ANKRD45: variants seen among roughly 807,000 people sequenced by gnomAD.
ANKRD45 encodes ankyrin repeat domain 45.
ANKRD45 carries 21 observed loss-of-function variants against 28.1 expected under a neutral mutation model. The observed-to-expected ratio is 0.75, with a 90% CI of 0.53 to 1.08. The LOEUF (loss-of-function observed/expected upper bound fraction) is 1.08, where lower values mean the gene tolerates loss of function less well. ANKRD45 is among the 50% of genes least tolerant of loss of function. The pLI, the probability that ANKRD45 is intolerant of heterozygous loss-of-function variation, is 0.00. For synonymous variants in ANKRD45, 86 were observed against 103.9 expected (o/e 0.83, Z 1.05); for missense variants, 261 against 308.7 (o/e 0.85, Z 1.16).
At chr1:173,643,738 T>C (rs1668803459) in intron 3 of ANKRD45, among the ~76,000 whole-genome samples, 1 of 152,046 alleles carries the variant, frequency 6.6e-6, no homozygotes, top group Non-Finnish European at 1.5e-5. Flanking sequence ...ACTTAAAGTA[T>C]CTTGAAAAAT....
the ANKRD45 span, among the ~76,000 whole-genome samples, chr1:173,707,110 T>C: frequency 2.0e-5 from 3 of 152,158 alleles, no homozygotes; most frequent in African/African-American, 4.8e-5. Flanking sequence ...TGGCTGTTCA[T>C]ATATTTTGCC....
the ANKRD45 span, among the ~76,000 whole-genome samples, chr1:173,695,883 C>T: frequency 3.9e-5 from 6 of 152,154 alleles, no homozygotes; most frequent in Admixed American, 2.6e-4. Context: ...AATTCCCACC[C>T]AGTAAATTTT....
the ANKRD45 span, among the ~76,000 whole-genome samples, chr1:173,714,444 C>T: frequency 3.9e-5 from 6 of 152,064 alleles, no homozygotes; most frequent in African/African-American, 1.4e-4. Context: ...ACTAACACAG[C>T]CTTAGAGCCT....
At chr1:173,705,077 T>C in the ANKRD45 span, among the ~76,000 whole-genome samples, 1 of 152,084 alleles carries the variant, frequency 6.6e-6, no homozygotes, top group Admixed American at 6.5e-5. Context: ...GGCCACTCTT[T>C]TTCAGTCAAA....
chr1:173,691,410 GT>G, the ANKRD45 span, among the ~76,000 whole-genome samples: 18 of 152,272 alleles, frequency 1.2e-4, no homozygotes, highest in African/African-American at 4.3e-4. Flanking sequence ...CCCCCAAATT[GT>G]TACATATAAA....
the ANKRD45 span, among the ~76,000 whole-genome samples, chr1:173,685,427 A>G: frequency 2.0e-5 from 3 of 152,204 alleles, no homozygotes; most frequent in Non-Finnish European, 4.4e-5. Context: ...GAATCCTGGA[A>G]AAGAGCTACC....
chr1:173,662,269 T>C (rs549774133), intron 1 of ANKRD45, among the ~76,000 whole-genome samples: 2 of 152,334 alleles, frequency 1.3e-5, no homozygotes, highest in East Asian at 3.9e-4. Flanking sequence ...AATTGTCATT[T>C]ACTGCTATGG....
chr1:173,631,746 A>G (rs553478108), intron 3 of ANKRD45, among the ~76,000 whole-genome samples: 1 of 152,306 alleles, frequency 6.6e-6, no homozygotes, highest in African/African-American at 2.4e-5. Flanking sequence ...CAGTGTGTCA[A>G]TGAAGAAATT....
intron 3 of ANKRD45, among the ~76,000 whole-genome samples, chr1:173,636,415 C>A (rs1668443821): frequency 6.6e-6 from 1 of 152,132 alleles, no homozygotes; most frequent in African/African-American, 2.4e-5. Flanking sequence ...GATCAAAAAA[C>A]AAACAAAACC....
rs1404652953 is a variant in ANKRD45 at position 173,637,109 on chromosome 1, A to G, written c.496+9737T>C. 3 of 1,137,422 alleles carry G rather than the reference A, an allele frequency of 2.6e-6. No individual in the cohort carries two copies. The African/African-American group carries it at 4.8e-5, about 18-fold the overall frequency. The allele number at this position is 1,137,422 out of a possible 1,614,324, so 70.5% of individuals were successfully genotyped here. ...AGAAATCTATCATCTAAGGATTAAA[A>G]ATTGTTCTTTGGAAACCTTTATAAA... On this transcript the variant is annotated intron_variant, in intron 3 of 5. Coordinates refer to ENST00000333279, the MANE Select transcript of ANKRD45 (RefSeq NM_198493.3).
intron 2 of ANKRD45, among the ~76,000 whole-genome samples, chr1:173,656,824 G>C (rs1669539317): frequency 6.6e-6 from 1 of 151,856 alleles, no homozygotes; most frequent in African/African-American, 2.4e-5. Context: ...CCAATGTTGG[G>C]TAAGTTCGCT....
At chr1:173,657,058 G>T (rs78787272) in intron 2 of ANKRD45, among the ~76,000 whole-genome samples, 1 of 148,704 alleles carries the variant, frequency 6.7e-6, no homozygotes, top group Non-Finnish European at 1.5e-5. Context: ...GATTACAGGT[G>T]TGAGCCACCA....
chr1:173,647,498 A>G (rs1375736584), intron 2 of ANKRD45, among the ~76,000 whole-genome samples: 1 of 152,236 alleles, frequency 6.6e-6, no homozygotes, highest in Non-Finnish European at 1.5e-5. Flanking sequence ...AATTAAAACT[A>G]AAATTATGGC....
In ANKRD45 at chr1:173,613,440, G is replaced by A. The variant is rs1477812316; in HGVS notation, c.731-3225C>T. Among the ~76,000 whole-genome samples the A allele has an allele frequency of 7.3e-5, 11 of 150,702 alleles. No individual in the cohort carries two copies. In the East Asian group the frequency reaches 9.8e-4, roughly 13 times the overall value. ...TGAGGAGCATCTCCGCCCGGCAGCC[G>A]CCCCCTCTGGGAGGGAGGTGGGGGG... On this transcript the variant is annotated intron_variant, in intron 5 of 5. Coordinates refer to ENST00000333279, the MANE Select transcript of ANKRD45 (RefSeq NM_198493.3).
chr1:173,638,647 G>C (rs1433676775), intron 3 of ANKRD45, among the ~76,000 whole-genome samples: 4 of 152,208 alleles, frequency 2.6e-5, no homozygotes, highest in Non-Finnish European at 4.4e-5. Context: ...GTTGAAGAAA[G>C]TAGAAAATTA....
At chr1:173,661,953 A>T (rs1325681818) in intron 1 of ANKRD45, among the ~76,000 whole-genome samples, 2 of 152,252 alleles carry the variant, frequency 1.3e-5, no homozygotes, top group African/African-American at 2.4e-5. Context: ...ATTCAAGGTG[A>T]TACTGAAGTA....
At chr1:173,684,761 ATGTTTAAGGCTATCC>A in the ANKRD45 span, among the ~76,000 whole-genome samples, 1 of 152,150 alleles carries the variant, frequency 6.6e-6, no homozygotes, top group Non-Finnish European at 1.5e-5. Context: ...TGCTAATATC[ATGTTTAAGGCTATCC>A]TATTTTCCCA....
intron 5 of ANKRD45, among the ~76,000 whole-genome samples, chr1:173,619,556 G>T (rs1240200752): frequency 6.6e-6 from 1 of 152,162 alleles, no homozygotes; most frequent in Admixed American, 6.6e-5. Flanking sequence ...GGCTGGGCAT[G>T]GTGGCTCATG....
chr1:173,637,983 G>C (rs1431621421), intron 3 of ANKRD45, among the ~76,000 whole-genome samples: 4 of 152,220 alleles, frequency 2.6e-5, no homozygotes, highest in Non-Finnish European at 5.9e-5. Context: ...CGCAGGGAAA[G>C]AGAGAGGCTT....
Sources: gnomAD v4.1 joint callset for allele counts (sites outside exome capture counted in the v4.1 genomes callset) on GRCh38, gnomAD v4.1.1 for gene constraint, MANE v1.5 for transcripts, NCBI Gene and HGNC (gene_info 2026-07-23, HGNC 2026-07-21) for gene names.